B3GALT1: variants seen among roughly 807,000 people sequenced by gnomAD.
B3GALT1 encodes beta-1,3-galactosyltransferase 1.
In B3GALT1, 10 loss-of-function variants were observed where a neutral mutation model predicts 23.2. That is an observed-to-expected ratio of 0.43 (90% CI 0.27 to 0.73). The LOEUF is 0.73. B3GALT1 is among the 30% of genes least tolerant of loss of function. The probability of loss-of-function intolerance (pLI) is 0.21; values close to 1 mark genes in which losing one functional copy is unlikely to be tolerated. For synonymous variants in B3GALT1, 156 were observed against 141.5 expected (o/e 1.10, Z -0.73); for missense variants, 299 against 405.4 (o/e 0.74, Z 2.25).
chr2:167,871,959 T>A lies in B3GALT1; in HGVS notation c.*1939T>A, dbSNP rs559294933. ...CTCTGTGGCCCAGGCGGGAGTGCAG[T>A]GGCACAATCTCGGCTCACTGCAAGC... On this transcript the variant is annotated 3_prime_UTR_variant, in exon 5 of 5. Transcript: ENST00000392690. 1 of 134,066 alleles carries A rather than the reference T, an allele frequency of 7.5e-6. No individual in the cohort carries two copies. Among genetic ancestry groups the A allele is most frequent in the Non-Finnish European group, 1.5e-5 (1 of 65,030 alleles). The allele number at this position is 134,066 out of a possible 1,614,324, so 8.3% of individuals were successfully genotyped here.
At chr2:167,506,512 G>T (rs1005166729) in intron 2 of B3GALT1, among the ~76,000 whole-genome samples, 1 of 152,168 alleles carries the variant, frequency 6.6e-6, no homozygotes, top group Admixed American at 6.5e-5. Flanking sequence ...AGCTGATAAA[G>T]AAAACTTTAA....
At chr2:167,613,516 A>T (rs1237547572) in intron 2 of B3GALT1, among the ~76,000 whole-genome samples, 2 of 151,546 alleles carry the variant, frequency 1.3e-5, no homozygotes, top group African/African-American at 4.8e-5. Context: ...GATATCAACT[A>T]CTCATTGTCT....
intron 3 of B3GALT1, chr2:167,715,198 A>T: frequency 6.2e-7 from 1 of 1,613,966 alleles, no homozygotes; most frequent in Non-Finnish European, 8.5e-7. Flanking sequence ...ATTCCAAGTT[A>T]TCATCATCCG....
At chr2:167,757,466 A>G (rs576465848) in intron 3 of B3GALT1, among the ~76,000 whole-genome samples, 37 of 152,196 alleles carry the variant, frequency 2.4e-4, no homozygotes, top group Non-Finnish European at 2.9e-4. Context: ...TAGAAGTCCA[A>G]CCCCCACCAT....
At chr2:167,517,114 T>C (rs1202183676) in intron 2 of B3GALT1, among the ~76,000 whole-genome samples, 1 of 151,982 alleles carries the variant, frequency 6.6e-6, no homozygotes, top group African/African-American at 2.4e-5. Flanking sequence ...AAATATTTGA[T>C]GAATATTTGA....
chr2:167,676,166 C>T (rs1686421347), intron 3 of B3GALT1, among the ~76,000 whole-genome samples: 1 of 152,122 alleles, frequency 6.6e-6, no homozygotes, highest in Non-Finnish European at 1.5e-5. Context: ...CAGCACCCCT[C>T]GCTTCCTCTC....
At chr2:167,808,342 A>C (rs1260644805) in intron 3 of B3GALT1, among the ~76,000 whole-genome samples, 1 of 151,500 alleles carries the variant, frequency 6.6e-6, no homozygotes, top group Non-Finnish European at 1.5e-5. Flanking sequence ...TGATCCTGTC[A>C]TTATGATGTT....
intron 1 of B3GALT1, among the ~76,000 whole-genome samples, chr2:167,393,103 G>GGCT (rs1698041920): frequency 6.6e-6 from 1 of 152,118 alleles, no homozygotes; most frequent in Non-Finnish European, 1.5e-5. Flanking sequence ...ACGTGGTGGT[G>GGCT]GGTGCCTGTA....
rs1045657461 is a variant in B3GALT1, at chr2:167,869,345, G to A, written c.306G>A (p.Gly102=). ...GTCAGGCAATCAGAGAGACGTGGGG[G>A]GATGAGAACAACTTTAAGGGGATCA... ...DARQAIRETW[G]DENNFKGIKI... is the part of the protein sequence containing the mutation. The change falls in exon 5 of 5, where the codon GGG becomes GGA. Residue 102 remains glycine (G), a synonymous_variant. Transcript: ENST00000392690. This position sits in a 1 kb window ranked among gnomAD's most constrained non-coding sequence, Gnocchi z 6.4. 14 of 1,613,976 alleles carry A rather than the reference G, an allele frequency of 8.7e-6. No individual in the cohort carries two copies. Among genetic ancestry groups the A allele is most frequent in the Non-Finnish European group, 1.2e-5 (14 of 1,180,026 alleles).
At chr2:167,683,281 C>A (rs1686565950) in intron 3 of B3GALT1, among the ~76,000 whole-genome samples, 1 of 152,136 alleles carries the variant, frequency 6.6e-6, no homozygotes, top group Non-Finnish European at 1.5e-5. Flanking sequence ...CAAAGACCTT[C>A]CAAGGAAGGT....
At chr2:167,735,140 A>G (rs565696784) in intron 3 of B3GALT1, among the ~76,000 whole-genome samples, 22 of 152,366 alleles carry the variant, frequency 1.4e-4, no homozygotes, top group African/African-American at 4.3e-4. Flanking sequence ...AGCAGGCTTA[A>G]GCGAAGCATT....
At chr2:167,566,533 T>G (rs2105396256) in intron 2 of B3GALT1, among the ~76,000 whole-genome samples, 1 of 146,756 alleles carries the variant, frequency 6.8e-6, no homozygotes, top group East Asian at 2.1e-4. Flanking sequence ...AAAAGAAAAA[T>G]TAGCTCAAAA....
intron 1 of B3GALT1, among the ~76,000 whole-genome samples, chr2:167,340,337 AG>A (rs1278175974): frequency 6.8e-6 from 1 of 146,868 alleles, no homozygotes; most frequent in African/African-American, 2.6e-5. Flanking sequence ...AAAAAAAAAC[AG>A]AGCTTTTGGC....
intron 1 of B3GALT1, among the ~76,000 whole-genome samples, chr2:167,309,768 C>T (rs1377300270): frequency 6.6e-6 from 1 of 152,004 alleles, no homozygotes; most frequent in African/African-American, 2.4e-5. Context: ...TAATATGGTA[C>T]TTTCATTTTG....
intron 3 of B3GALT1, among the ~76,000 whole-genome samples, chr2:167,661,954 G>T (rs1574196796): frequency 6.6e-6 from 1 of 151,860 alleles, no homozygotes; most frequent in African/African-American, 2.4e-5. Flanking sequence ...CTCACTCTGG[G>T]ACATTTTCTG....
At chr2:167,775,879 A>G (rs1476027304) in intron 3 of B3GALT1, among the ~76,000 whole-genome samples, 1 of 152,170 alleles carries the variant, frequency 6.6e-6, no homozygotes, top group Non-Finnish European at 1.5e-5. Context: ...ACAGAGCTCT[A>G]CTCCGGGAAC....
chr2:167,767,706 G>A (rs1027973644), intron 3 of B3GALT1, among the ~76,000 whole-genome samples: 3 of 152,114 alleles, frequency 2.0e-5, no homozygotes, highest in African/African-American at 7.2e-5. Flanking sequence ...CCTTAATTAA[G>A]TAAATTTTAT....
At chr2:167,693,629 A>G (rs1686748508) in intron 3 of B3GALT1, among the ~76,000 whole-genome samples, 1 of 152,128 alleles carries the variant, frequency 6.6e-6, no homozygotes, top group South Asian at 2.1e-4. Context: ...CAATACACTA[A>G]TGATAAGTTC....
chr2:167,446,359 G>A (rs746561295), intron 1 of B3GALT1, among the ~76,000 whole-genome samples: 3 of 152,038 alleles, frequency 2.0e-5, no homozygotes, highest in East Asian at 1.9e-4. Flanking sequence ...TGGTCTTCTC[G>A]AGGAGTATCT....
Sources: allele counts gnomAD v4.1 joint callset (sites outside exome capture counted in the v4.1 genomes callset), GRCh38; gene constraint gnomAD v4.1.1; non-coding constraint Gnocchi (gnomAD v3.1); transcripts MANE v1.5; gene names NCBI Gene and HGNC (gene_info 2026-07-23, HGNC 2026-07-21).